TCERG1L: variants seen among roughly 807,000 people sequenced by gnomAD.
TCERG1L encodes transcription elongation regulator 1 like, also known as transcription elongation regulator 1-like protein.
A neutral mutation model predicts 56.3 loss-of-function variants in TCERG1L; 37 were observed. The observed-to-expected ratio is 0.66, with a 90% CI of 0.51 to 0.87. The LOEUF (loss-of-function observed/expected upper bound fraction) is 0.87, where lower values mean the gene tolerates loss of function less well. Among genes scored for constraint, TCERG1L ranks in the 40% least tolerant of loss-of-function variants. The probability of loss-of-function intolerance (pLI) is 0.00; values close to 1 mark genes in which losing one functional copy is unlikely to be tolerated. For missense variants in TCERG1L, 799 were observed against 774.2 expected (o/e 1.03, Z -0.38); for synonymous variants, 324 against 326.3 (o/e 0.99, Z 0.08).
chr10:131,268,387 C>T (rs1214159753), intron 3 of TCERG1L, among the ~76,000 whole-genome samples: 1 of 152,232 alleles, frequency 6.6e-6, no homozygotes, highest in Admixed American at 6.5e-5. Context: ...TTATAGCACA[C>T]AGGCAGAGTA....
At chr10:131,094,319 T>C (rs1845218482) in intron 11 of TCERG1L, among the ~76,000 whole-genome samples, 1 of 152,192 alleles carries the variant, frequency 6.6e-6, no homozygotes. Flanking sequence ...AATGTGGACA[T>C]TCTTTGTCCG....
At chr10:131,218,118 G>A (rs78234143) in intron 4 of TCERG1L, among the ~76,000 whole-genome samples, 1 of 152,158 alleles carries the variant, frequency 6.6e-6, no homozygotes, top group Non-Finnish European at 1.5e-5. Context: ...GTTGGACACA[G>A]CCCATTTTTT....
intron 4 of TCERG1L, among the ~76,000 whole-genome samples, chr10:131,203,214 T>C: frequency 6.6e-6 from 1 of 150,716 alleles, no homozygotes; most frequent in Non-Finnish European, 1.5e-5. Context: ...AGCTGCGCTC[T>C]CTGGGTTACA....
intron 4 of TCERG1L, among the ~76,000 whole-genome samples, chr10:131,218,982 C>T (rs948976096): frequency 1.3e-5 from 2 of 152,164 alleles, no homozygotes; most frequent in Non-Finnish European, 2.9e-5. Context: ...TTAGCCAGGG[C>T]ACCAGCCACT....
At chr10:131,094,951 C>T (rs1008916494) in intron 11 of TCERG1L, among the ~76,000 whole-genome samples, 1 of 152,228 alleles carries the variant, frequency 6.6e-6, no homozygotes, top group Non-Finnish European at 1.5e-5. Flanking sequence ...AGAAGAGTCC[C>T]TGAAAAGAAA....
intron 3 of TCERG1L, among the ~76,000 whole-genome samples, chr10:131,263,227 G>C (rs183774126): frequency 6.6e-6 from 1 of 152,010 alleles, no homozygotes; most frequent in African/African-American, 2.4e-5. Context: ...TCTGGATGTC[G>C]GCTTTTCTAA....
At chr10:131,154,298 C>T (rs765599304) in intron 6 of TCERG1L, among the ~76,000 whole-genome samples, 9 of 152,178 alleles carry the variant, frequency 5.9e-5, no homozygotes, top group African/African-American at 9.7e-5. Context: ...AGGACTCCCA[C>T]ACTCATCCTG....
Position 131,098,207 on chromosome 10 carries a change from C to T in TCERG1L, c.1604+99G>A. The T allele has an allele frequency of 3.9e-6, 5 of 1,285,456 alleles. No homozygotes were observed. The South Asian group carries it at 6.9e-5, about 18-fold the overall frequency. The allele number at this position is 1,285,456 out of a possible 1,614,324, so 79.6% of individuals were successfully genotyped here. ...CTCACACTTTCGTGTCTGTGGAAGG[C>T]TGGGTTACACGATTTAACAAAAACA... is the stretch of plus-strand genomic sequence containing the variant. On this transcript the variant is annotated intron_variant, in intron 11 of 11. Coordinates refer to ENST00000368642, the MANE Select transcript of TCERG1L (RefSeq NM_174937.4).
At position 131,268,010 on chromosome 10, in the gene TCERG1L, G is replaced by A. The variant is rs532324113; in HGVS notation, c.671-7566C>T. Among the ~76,000 whole-genome samples, 112 of 152,302 alleles carry A rather than the reference G, an allele frequency of 7.4e-4. 1 individual carries two copies. The highest frequency in any genetic ancestry group is 1.6e-3 in the Admixed American group (25 of 15,306). On this transcript the variant is annotated intron_variant, in intron 3 of 11. Coordinates refer to ENST00000368642, the MANE Select transcript of TCERG1L (RefSeq NM_174937.4). ...TGCAGGCCCTGGGCCCAGCTGCCAG[G>A]AGTGCCAGGCTCAGCAGTGGGAGCA...
chr10:131,282,745 C>G (rs1268167857), intron 3 of TCERG1L, among the ~76,000 whole-genome samples: 3 of 152,174 alleles, frequency 2.0e-5, no homozygotes, highest in African/African-American at 7.2e-5. Context: ...ATACCAGACA[C>G]TTTGTCAGGC....
At chr10:131,163,094 G>A in intron 6 of TCERG1L, 28 bp downstream of exon 6, 3 of 1,509,570 alleles carry the variant, frequency 2.0e-6, no homozygotes, top group Non-Finnish European at 1.8e-6. Flanking sequence ...GCCATTGCTA[G>A]TGGCTCTCAG....
rs1846297514 is a variant in TCERG1L, at chr10:131,267,289, A to C, written c.671-6845T>G. Among the ~76,000 whole-genome samples, 1 of 152,172 alleles carries C rather than the reference A, an allele frequency of 6.6e-6. No individual in the cohort carries two copies. Among genetic ancestry groups the C allele is most frequent in the Admixed American group, 6.5e-5 (1 of 15,284 alleles). On this transcript the variant is annotated intron_variant, in intron 3 of 11. Transcript: ENST00000368642. This position sits in a 1 kb window ranked among gnomAD's most constrained non-coding sequence, Gnocchi z 4.9. ...TGCACACACCTGGCTGGACTGCAAC[A>C]GCACCCAGGCTTGGCCCCAACCCTA...
intron 6 of TCERG1L, among the ~76,000 whole-genome samples, chr10:131,154,618 C>A (rs773083090): frequency 6.6e-6 from 1 of 152,230 alleles, no homozygotes; most frequent in Admixed American, 6.5e-5. Context: ...CTAGGCAGGA[C>A]TGAGTGGCCC....
intron 7 of TCERG1L, among the ~76,000 whole-genome samples, chr10:131,135,485 T>C (rs978005128): frequency 2.6e-5 from 4 of 152,256 alleles, no homozygotes; most frequent in Non-Finnish European, 5.9e-5. Flanking sequence ...CAATTCTCCC[T>C]ACACCTGTTT....
intron 11 of TCERG1L, among the ~76,000 whole-genome samples, chr10:131,096,601 C>A (rs1845249401): frequency 6.6e-6 from 1 of 152,140 alleles, no homozygotes; most frequent in Admixed American, 6.5e-5. Context: ...AATTAATGTC[C>A]ATTTAAAAAC....
chr10:131,105,590 T>C (rs1415853401), intron 9 of TCERG1L, among the ~76,000 whole-genome samples: 1 of 152,024 alleles, frequency 6.6e-6, no homozygotes, highest in Admixed American at 6.6e-5. Context: ...GGTGATGGAA[T>C]ACTCGTTCAT....
At chr10:131,114,181 C>T (rs185826791) in intron 9 of TCERG1L, among the ~76,000 whole-genome samples, 6 of 142,146 alleles carry the variant, frequency 4.2e-5, no homozygotes, top group East Asian at 2.4e-4. Flanking sequence ...AATTTCTGAA[C>T]GGAAGTATTG....
intron 4 of TCERG1L, among the ~76,000 whole-genome samples, chr10:131,259,528 A>G (rs1417937314): frequency 1.3e-5 from 2 of 152,186 alleles, no homozygotes; most frequent in African/African-American, 4.8e-5. Context: ...TGCAGGTTAC[A>G]GTTAGTGGAT....
chr10:131,216,781 G>A (rs1261837657), intron 4 of TCERG1L, among the ~76,000 whole-genome samples: 2 of 152,208 alleles, frequency 1.3e-5, no homozygotes, highest in Non-Finnish European at 2.9e-5. Flanking sequence ...CTGCGGGCCA[G>A]GCATGGGAGT....
Sources: gnomAD v4.1 joint callset for allele counts (sites outside exome capture counted in the v4.1 genomes callset) on GRCh38, gnomAD v4.1.1 for gene constraint, Gnocchi (gnomAD v3.1) non-coding constraint, MANE v1.5 for transcripts, NCBI Gene and HGNC (gene_info 2026-07-23, HGNC 2026-07-21) for gene names.